The following TMEM135 variants were observed in gnomAD, a reference collection of about 807,000 sequenced individuals.
TMEM135 encodes the protein peroxisomal membrane protein 52.
In TMEM135, 30 loss-of-function variants were observed where a neutral mutation model predicts 60.3. The observed-to-expected ratio is 0.50, with a 90% confidence interval of 0.37 to 0.68. The LOEUF (loss-of-function observed/expected upper bound fraction) is 0.68. TMEM135 is among the 30% of genes least tolerant of loss of function. TMEM135 has a pLI of 0.00. For missense variants in TMEM135, 468 were observed against 548.8 expected (o/e 0.85, Z 1.47); for synonymous variants, 190 against 186.7 (o/e 1.02, Z -0.14).
At chr11:87,102,543 A>G (rs1266989516) in intron 4 of TMEM135, among the ~76,000 whole-genome samples, 3 of 151,980 alleles carry the variant, frequency 2.0e-5, no homozygotes, top group Admixed American at 2.0e-4. Flanking sequence ...ATAAACATAT[A>G]CTTTTCCGTA....
chr11:87,072,230 A>G (rs1460512406), intron 3 of TMEM135, among the ~76,000 whole-genome samples: 1 of 152,126 alleles, frequency 6.6e-6, no homozygotes, highest in East Asian at 1.9e-4. Context: ...ATTATAATCA[A>G]AGATTTTTTC....
chr11:87,281,827 CA>C (rs1411094667), intron 6 of TMEM135, among the ~76,000 whole-genome samples: 1 of 152,204 alleles, frequency 6.6e-6, no homozygotes, highest in Non-Finnish European at 1.5e-5. Flanking sequence ...CTGTGACAAT[CA>C]GCATTTGCAG....
At chr11:87,226,279 T>A (rs1362989081) in intron 5 of TMEM135, among the ~76,000 whole-genome samples, 1 of 152,224 alleles carries the variant, frequency 6.6e-6, no homozygotes, top group East Asian at 1.9e-4. Flanking sequence ...AATGATGATG[T>A]CTAATTAGCT....
Position 87,322,772 on chromosome 11 carries a change from A to G in TMEM135, c.*1439A>G, listed in dbSNP as rs1426388053. The G allele has an allele frequency of 2.2e-6, 1 of 454,294 alleles. No homozygotes were observed. The highest frequency in any genetic ancestry group is 4.4e-6 in the Non-Finnish European group (1 of 226,732). The allele number at this position is 454,294 out of a possible 1,614,324, so 28.1% of individuals were successfully genotyped here. On this transcript the variant is annotated 3_prime_UTR_variant, in exon 15 of 15. Coordinates refer to ENST00000305494, the MANE Select transcript of TMEM135 (RefSeq NM_022918.4). ...TAATTCAATCCTTGGTTGTTATGGC[A>G]AACAGAAACCCAACAAAAAGACAGA...
intron 5 of TMEM135, among the ~76,000 whole-genome samples, chr11:87,199,961 A>G (rs1043114234): frequency 2.0e-5 from 3 of 152,192 alleles, no homozygotes. Context: ...TTGGGTTTGT[A>G]AAGCCATTAG....
At chr11:87,062,008 G>A (rs1371990434) in intron 1 of TMEM135, among the ~76,000 whole-genome samples, 1 of 151,912 alleles carries the variant, frequency 6.6e-6, no homozygotes, top group Non-Finnish European at 1.5e-5. Context: ...TTGCTTCTGG[G>A]TACTTTTTTT....
At chr11:87,255,609 A>T (rs1253764984) in intron 6 of TMEM135, among the ~76,000 whole-genome samples, 1 of 152,050 alleles carries the variant, frequency 6.6e-6, no homozygotes, top group Non-Finnish European at 1.5e-5. Context: ...GTGAGTAGAC[A>T]CTGTACTCCA....
At chr11:87,286,136 A>T (rs1009514245) in intron 6 of TMEM135, among the ~76,000 whole-genome samples, 1 of 152,068 alleles carries the variant, frequency 6.6e-6, no homozygotes, top group African/African-American at 2.4e-5. Flanking sequence ...AGCTAGACAT[A>T]AAAGTTCTCC....
intron 4 of TMEM135, among the ~76,000 whole-genome samples, chr11:87,139,727 T>C (rs540263696): frequency 1.3e-5 from 2 of 152,332 alleles, no homozygotes; most frequent in Non-Finnish European, 2.9e-5. Context: ...TGTCATTCTT[T>C]TTACTTGTTC....
In TMEM135 at chr11:87,295,773, T is replaced by C. The variant is rs1464481825; in HGVS notation, c.510-9T>C. Reference sequence around the variant, plus strand: ...GTTATTTTATGATTGTAAATTCTTATTGTTTTAGGTGCAAGGATGGCTTGA... The same window carrying C: ...GTTATTTTATGATTGTAAATTCTTACTGTTTTAGGTGCAAGGATGGCTTGA... On this transcript the variant is annotated splice_polypyrimidine_tract_variant and intron_variant, in intron 6 of 14. Transcript: ENST00000305494. 4.4e-6 allele frequency: 7 copies of C among 1,597,940 alleles called. No homozygotes were observed. The highest frequency in any genetic ancestry group is 2.2e-5 in the East Asian group (1 of 44,616).
At chr11:87,292,216 C>T (rs1354683980) in intron 6 of TMEM135, among the ~76,000 whole-genome samples, 3 of 152,262 alleles carry the variant, frequency 2.0e-5, no homozygotes, top group African/African-American at 7.2e-5. Context: ...CTGTTTCTCC[C>T]CTTATCTTGG....
In TMEM135 at chr11:87,322,234, C is replaced by G. The variant is rs1395023501; in HGVS notation, c.*901C>G. 8.8e-6 allele frequency: 4 copies of G among 454,200 alleles called. No individual in the cohort carries two copies. The highest frequency in any genetic ancestry group is 1.8e-5 in the Non-Finnish European group (4 of 226,756). 28.1% of individuals were successfully genotyped at this position (454,200 alleles called of 1,614,324 possible). A position where few individuals can be genotyped will look rare whatever the true frequency, so the allele number is the denominator to read the frequency against. ...TTGTTGTATTAGAAGGGATCAAAAT[C>G]CTATGGAACAAAGTAGTCTTGGCAA... On this transcript the variant is annotated 3_prime_UTR_variant, in exon 15 of 15. Coordinates refer to ENST00000305494, the MANE Select transcript of TMEM135 (RefSeq NM_022918.4).
chr11:87,204,529 C>G (rs1318356435), intron 5 of TMEM135, among the ~76,000 whole-genome samples: 1 of 152,030 alleles, frequency 6.6e-6, no homozygotes, highest in Non-Finnish European at 1.5e-5. Context: ...GGACCAGAAG[C>G]CTTACTGTAG....
intron 1 of TMEM135, among the ~76,000 whole-genome samples, chr11:87,060,885 G>T (rs1392500857): frequency 6.6e-6 from 1 of 152,014 alleles, no homozygotes; most frequent in African/African-American, 2.4e-5. Context: ...CTCGTGATCT[G>T]CCCGCCTCGG....
At chr11:87,182,891 A>T (rs568374796) in intron 5 of TMEM135, among the ~76,000 whole-genome samples, 2 of 152,142 alleles carry the variant, frequency 1.3e-5, no homozygotes, top group East Asian at 3.9e-4. Flanking sequence ...TTTATATAGA[A>T]TATAACTAGA....
At chr11:87,203,226 A>G (rs1940160275) in intron 5 of TMEM135, among the ~76,000 whole-genome samples, 1 of 152,068 alleles carries the variant, frequency 6.6e-6, no homozygotes, top group Non-Finnish European at 1.5e-5. Context: ...CAAAGTACAT[A>G]GTTTACATTA....
chr11:87,127,208 G>C (rs1937759709), intron 4 of TMEM135, among the ~76,000 whole-genome samples: 1 of 152,182 alleles, frequency 6.6e-6, no homozygotes, highest in Non-Finnish European at 1.5e-5. Flanking sequence ...TTTGGTGTCT[G>C]AGGATAATGT....
chr11:87,318,343 C>A, intron 13 of TMEM135, 108 bp downstream of exon 13: 6 of 814,300 alleles, frequency 7.4e-6, no homozygotes, highest in Non-Finnish European at 8.0e-6. Flanking sequence ...TACAGTATTA[C>A]ATTTTAAGCT....
intron 5 of TMEM135, among the ~76,000 whole-genome samples, chr11:87,222,187 A>AAAAC (rs1339280827): frequency 1.5e-5 from 2 of 130,268 alleles, no homozygotes; most frequent in Admixed American, 7.4e-5. Context: ...GTCTCAAAAA[A>AAAAC]AAAAAAAAAA....
Sources: allele counts gnomAD v4.1 joint callset (sites outside exome capture counted in the v4.1 genomes callset), GRCh38; gene constraint gnomAD v4.1.1; transcripts MANE v1.5; gene names NCBI Gene and HGNC (gene_info 2026-07-23, HGNC 2026-07-21).